TMPRSS6: variants seen among roughly 807,000 people sequenced by gnomAD.
TMPRSS6 encodes transmembrane protease serine 6.
In TMPRSS6, 67 loss-of-function variants were observed where a neutral mutation model predicts 101.5. The ratio of observed to expected loss-of-function variants is 0.66; its 90% CI spans 0.54 to 0.81. The LOEUF is 0.81. TMPRSS6 is among the 30% of genes least tolerant of loss of function. TMPRSS6 has a pLI of 0.00. For missense variants in TMPRSS6, 1,034 were observed against 1,088.7 expected, an observed-to-expected ratio of 0.95 and a Z score of 0.71; for synonymous variants, 453 against 464.9, an observed-to-expected ratio of 0.97 and a Z score of 0.33.
rs1601516577 is a variant in TMPRSS6 at position 37,069,350 on chromosome 22, G to C, written c.1842-6C>G. On this transcript the variant is annotated splice_region_variant and splice_polypyrimidine_tract_variant and intron_variant, in intron 15 of 17. Coordinates refer to ENST00000676104, the MANE Select transcript of TMPRSS6 (RefSeq NM_001374504.1). The surrounding 1 kb of genome is among the most constrained non-coding windows in gnomAD (Gnocchi z 4.8). Reference sequence around the variant, plus strand: ...ACAGCACCGTGGAGGCCATGCTGGGGTGGGGTGGGGTGGGGTGGGGTGGGG... The same window carrying C: ...ACAGCACCGTGGAGGCCATGCTGGGCTGGGGTGGGGTGGGGTGGGGTGGGG... The C allele has an allele frequency of 2.0e-6, 2 of 978,972 alleles. No homozygotes were observed. Among genetic ancestry groups the C allele is most frequent in the Non-Finnish European group, 1.3e-6 (1 of 782,396 alleles). 60.6% of individuals were successfully genotyped at this position (978,972 alleles called of 1,614,324 possible).
At chr22:37,097,173 C>T (rs1383480650) in intron 3 of TMPRSS6, among the ~76,000 whole-genome samples, 1 of 152,240 alleles carries the variant, frequency 6.6e-6, no homozygotes, top group Non-Finnish European at 1.5e-5. Context: ...ATCTCAACTT[C>T]ACTGCAACCC....
intron 14 of TMPRSS6, 65 bp from the exon 15 acceptor site, chr22:37,070,717 G>A: frequency 6.5e-7 from 1 of 1,547,372 alleles, no homozygotes; most frequent in Non-Finnish European, 8.9e-7. Flanking sequence ...CAGACAGAGA[G>A]GAAGGGCAAA....
Position 37,089,860 on chromosome 22 carries a change from G to C in TMPRSS6, c.632-78C>G, listed in dbSNP as rs1569016055. The C allele has an allele frequency of 2.7e-6, 4 of 1,467,158 alleles. No homozygotes were observed. In the Admixed American group the frequency reaches 6.2e-5, roughly 23 times the overall value. 90.9% of individuals were successfully genotyped at this position (1,467,158 alleles called of 1,614,324 possible). On this transcript the variant is annotated intron_variant, in intron 6 of 17. Transcript: ENST00000676104. ...GACCCTGGGGAGCCAGGTCCCTCAA[G>C]GTCCTCCACCAGGCAGGATGGGCTG...
intron 6 of TMPRSS6, among the ~76,000 whole-genome samples, chr22:37,093,909 G>A (rs1929499815): frequency 6.6e-6 from 1 of 151,952 alleles, no homozygotes; most frequent in African/African-American, 2.4e-5. Context: ...TGTAGTCCCA[G>A]CTACTCAGGA....
At chr22:37,067,395 G>T (rs965846142) in intron 16 of TMPRSS6, among the ~76,000 whole-genome samples, 3 of 152,124 alleles carry the variant, frequency 2.0e-5, no homozygotes, top group Non-Finnish European at 4.4e-5. Context: ...GCTTGAACCC[G>T]GGAGGAGGGG....
chr22:37,067,906 C>T (rs534061014), intron 16 of TMPRSS6, among the ~76,000 whole-genome samples: 1 of 56,806 alleles, frequency 1.8e-5, no homozygotes, highest in African/African-American at 1.3e-4. Flanking sequence ...GCCTGCCCCC[C>T]ACCTCAGCCC....
chr22:37,074,814 T>C (rs1343866221), intron 11 of TMPRSS6, 106 bp from the exon 12 acceptor site: 5 of 1,193,132 alleles, frequency 4.2e-6, no homozygotes, highest in African/African-American at 3.0e-5. Context: ...CACACGCGCA[T>C]GGACAGGCAC....
At chr22:37,087,081 G>A (rs1222886491) in intron 7 of TMPRSS6, among the ~76,000 whole-genome samples, 1 of 152,140 alleles carries the variant, frequency 6.6e-6, no homozygotes, top group Non-Finnish European at 1.5e-5. Flanking sequence ...ATAGGCCTGC[G>A]CTAGGCACTG....
At chr22:37,086,217 C>A in intron 8 of TMPRSS6, 66 bp downstream of exon 8, 1 of 1,607,494 alleles carries the variant, frequency 6.2e-7, no homozygotes, top group Non-Finnish European at 8.5e-7. Flanking sequence ...GAGCAGTGAG[C>A]CCAGTGGAGG....
intron 8 of TMPRSS6, among the ~76,000 whole-genome samples, chr22:37,085,390 G>A (rs1928657349): frequency 6.6e-6 from 1 of 152,174 alleles, no homozygotes; most frequent in African/African-American, 2.4e-5. Flanking sequence ...GAACAGCTCT[G>A]CTACCCATTT....
chr22:37,075,470 A>G (rs1473428966), intron 10 of TMPRSS6, among the ~76,000 whole-genome samples, 190 bp from the exon 11 acceptor site: 1 of 152,210 alleles, frequency 6.6e-6, no homozygotes, highest in Non-Finnish European at 1.5e-5. Context: ...TGGCTATGCC[A>G]CTGCCCTGCT....
intron 6 of TMPRSS6, among the ~76,000 whole-genome samples, chr22:37,095,073 G>A (rs553384429): frequency 6.6e-6 from 1 of 152,324 alleles, no homozygotes; most frequent in African/African-American, 2.4e-5. Context: ...GAGGGCTGAT[G>A]AGCCTGACTG....
chr22:37,099,294 G>T (rs577236968), intron 2 of TMPRSS6, among the ~76,000 whole-genome samples: 2 of 152,358 alleles, frequency 1.3e-5, no homozygotes, highest in African/African-American at 4.8e-5. Context: ...GAGGACCCGG[G>T]CTGAAAGCCT....
At chr22:37,081,884 A>T (rs1388502860) in intron 10 of TMPRSS6, among the ~76,000 whole-genome samples, 1 of 152,184 alleles carries the variant, frequency 6.6e-6, no homozygotes, top group African/African-American at 2.4e-5. Context: ...CTCTGGCGAG[A>T]TCCCTCCACC....
chr22:37,095,563 T>C lies in TMPRSS6; in HGVS notation c.619A>G (p.Asn207Asp), dbSNP rs1477254781. Residue 207 changes from asparagine to aspartate, a missense_variant, in exon 6 of 18, where the codon AAT (asparagine) becomes GAT (aspartate). Transcript: ENST00000676104. ...EASVKDIAAL[N>D]STLGCYRYSY... ...AAAAATAGCGTACCCAGCGTGGAAT[T>C]CAATGCAGCTATGTCTTTCACACTG... The C allele has an allele frequency of 1.9e-6, 3 of 1,610,474 alleles. No homozygotes were observed. Among genetic ancestry groups the C allele is most frequent in the Admixed American group, 3.4e-5 (2 of 59,654 alleles).
chr22:37,070,968 C>G lies in TMPRSS6; in HGVS notation c.1620G>C (p.Pro540=), dbSNP rs142644443. The G allele has an allele frequency of 6.2e-7, 1 of 1,613,132 alleles. No homozygotes were observed. The highest frequency in any genetic ancestry group is 2.2e-5 in the East Asian group (1 of 44,860). ...EDRSCVKKPN[P]QCDGRPDCRD... ...TGCAGTCGGGCCGCCCATCACACTG[C>G]GGGTTGGGCTTCTTCACGCAGCTCC... Residue 540 remains proline, a synonymous_variant, in exon 14 of 18, where the codon CCG becomes CCC. Transcript: ENST00000676104.
chr22:37,103,816 C>A lies in TMPRSS6; in HGVS notation c.-1-398G>T, dbSNP rs966343816. Among the ~76,000 whole-genome samples the A allele has an allele frequency of 6.6e-6, 1 of 152,182 alleles. No individual in the cohort carries two copies. The highest frequency in any genetic ancestry group is 2.4e-5 in the African/African-American group (1 of 41,432). On this transcript the variant is annotated intron_variant, in intron 1 of 17. Coordinates refer to ENST00000676104, the MANE Select transcript of TMPRSS6 (RefSeq NM_001374504.1). This position sits in a 1 kb window ranked among gnomAD's most constrained non-coding sequence, Gnocchi z 4.4. ...CTGACCTCTTGCCCTCATTTCCCGT[C>A]CACGCAAGGAATGCTGTTTCTTGCT...
intron 13 of TMPRSS6, among the ~76,000 whole-genome samples, chr22:37,073,186 G>A (rs1927302017): frequency 6.6e-6 from 1 of 151,954 alleles, no homozygotes; most frequent in Non-Finnish European, 1.5e-5. Flanking sequence ...ATGGATGGAT[G>A]GATGGAACAG....
At chr22:37,095,859 C>T in intron 5 of TMPRSS6, 47 bp downstream of exon 5, 1 of 1,609,512 alleles carries the variant, frequency 6.2e-7, no homozygotes, top group Non-Finnish European at 8.5e-7. Context: ...AGCTTGTTTC[C>T]CCCAACCTCA....
Sources: gnomAD v4.1 joint callset for allele counts (sites outside exome capture counted in the v4.1 genomes callset) on GRCh38, gnomAD v4.1.1 for gene constraint, Gnocchi (gnomAD v3.1) non-coding constraint, MANE v1.5 for transcripts, NCBI Gene and HGNC (gene_info 2026-07-23, HGNC 2026-07-21) for gene names.